Variants in TENM1 observed in about 807,000 individuals in gnomAD.
The protein encoded by TENM1 is teneurin transmembrane protein 1.
In TENM1, 35 loss-of-function variants were observed where a neutral mutation model predicts 174.8. The observed-to-expected ratio is 0.20, with a 90% CI of 0.15 to 0.27. The LOEUF is 0.27. TENM1 is among the 10% of genes least tolerant of loss of function. The probability of loss-of-function intolerance (pLI) is 1.00; values close to 1 mark genes in which losing one functional copy is unlikely to be tolerated. For synonymous variants in TENM1, 781 were observed against 798.7 expected (o/e 0.98, Z 0.37); for missense variants, 1,633 against 2,130.1 (o/e 0.77, Z 4.59).
At chrX:124,795,382 A>T (rs759383374) in intron 3 of TENM1, among the ~76,000 whole-genome samples, 13 of 112,462 alleles carry the variant, frequency 1.2e-4, no homozygotes, top group Non-Finnish European at 2.3e-4. Context: ...GAAAAGATGT[A>T]GATAGCTTAT....
chrX:124,517,128 A>C (rs2047722414), intron 18 of TENM1, among the ~76,000 whole-genome samples: 1 of 110,466 alleles, frequency 9.1e-6, no homozygotes, highest in Admixed American at 9.7e-5. Flanking sequence ...GAGGGGAACA[A>C]CACACACTGG....
intron 11 of TENM1, among the ~76,000 whole-genome samples, chrX:124,617,346 T>A (rs2050419852): frequency 8.9e-6 from 1 of 111,964 alleles, no homozygotes; most frequent in Non-Finnish European, 1.9e-5. Flanking sequence ...AAATGATATA[T>A]GTGTAATAAA....
the TENM1 span, among the ~76,000 whole-genome samples, chrX:125,117,869 G>C: frequency 1.8e-5 from 2 of 111,117 alleles, no homozygotes; most frequent in Non-Finnish European, 3.8e-5. Flanking sequence ...TCACTATTGG[G>C]TGTCTACCCA....
intron 25 of TENM1, chrX:124,411,727 T>C (rs1288908900): frequency 8.9e-6 from 1 of 112,102 alleles, no homozygotes; most frequent in Non-Finnish European, 1.9e-5. Flanking sequence ...CAGCGGGTAA[T>C]TCCTACAACT....
At chrX:124,468,397 C>T (rs747609557) in intron 22 of TENM1, among the ~76,000 whole-genome samples, 49 of 111,430 alleles carry the variant, frequency 4.4e-4, no homozygotes, top group Non-Finnish European at 1.9e-4. Flanking sequence ...AGGCTGGTCT[C>T]GAACTCCTGA....
chrX:124,869,430 A>C (rs1441971352), intron 3 of TENM1, among the ~76,000 whole-genome samples: 2 of 111,536 alleles, frequency 1.8e-5, no homozygotes, highest in African/African-American at 6.5e-5. Context: ...CATATGATCC[A>C]GCAATCCCAC....
chrX:124,981,964 A>T, the TENM1 span, among the ~76,000 whole-genome samples: 1 of 53,880 alleles, frequency 1.9e-5, no homozygotes, highest in Non-Finnish European at 3.2e-5. Flanking sequence ...AATAAAAAAA[A>T]AAAAAAAAAA....
intron 4 of TENM1, among the ~76,000 whole-genome samples, chrX:124,732,428 C>A (rs777476547): frequency 8.9e-6 from 1 of 111,957 alleles, no homozygotes; most frequent in Non-Finnish European, 1.9e-5. Context: ...ATCTAAGGAA[C>A]ATCAAATCTG....
chrX:125,097,150 C>T, the TENM1 span, among the ~76,000 whole-genome samples: 1 of 111,557 alleles, frequency 9.0e-6, no homozygotes. Context: ...ACCCATTTGA[C>T]CCTAACTACT....
intron 6 of TENM1, among the ~76,000 whole-genome samples, chrX:124,665,695 G>C (rs992309030): frequency 1.8e-5 from 2 of 112,013 alleles, no homozygotes; most frequent in African/African-American, 6.5e-5. Context: ...ACAGCTGAAA[G>C]GGATCTTACA....
the TENM1 span, among the ~76,000 whole-genome samples, chrX:125,069,981 G>T: frequency 9.1e-6 from 1 of 109,592 alleles, no homozygotes; most frequent in Non-Finnish European, 1.9e-5. Context: ...TTGAGGCCAG[G>T]AGTTCGAGAC....
intron 15 of TENM1, among the ~76,000 whole-genome samples, chrX:124,535,545 AT>A (rs1224574828): frequency 8.9e-6 from 1 of 111,811 alleles, no homozygotes; most frequent in African/African-American, 3.2e-5. Flanking sequence ...AAATGGAAAT[AT>A]GTTTTAGTCC....
At chrX:124,918,275 G>A (rs1171289837) in intron 1 of TENM1, among the ~76,000 whole-genome samples, 1 of 109,843 alleles carries the variant, frequency 9.1e-6, no homozygotes, top group Non-Finnish European at 1.9e-5. Flanking sequence ...CGCCTCCCAG[G>A]TTCAAGCGAT....
chrX:125,202,602 G>A, the TENM1 span, among the ~76,000 whole-genome samples: 1 of 111,243 alleles, frequency 9.0e-6, no homozygotes, highest in Admixed American at 9.5e-5. Flanking sequence ...ATGCAGATCT[G>A]CTCAACCCGA....
chrX:124,485,202 A>C (rs2147945439), intron 21 of TENM1, among the ~76,000 whole-genome samples: 1 of 111,720 alleles, frequency 9.0e-6, no homozygotes, highest in South Asian at 3.8e-4. Context: ...GGAAAAAATT[A>C]GGTTCAATTG....
At chrX:125,008,539 G>C in the TENM1 span, among the ~76,000 whole-genome samples, 1 of 112,187 alleles carries the variant, frequency 8.9e-6, no homozygotes. Flanking sequence ...GGACCTAATA[G>C]ACATGTTCAG....
At chrX:124,790,770 TGAAA>T (rs754948863) in intron 3 of TENM1, among the ~76,000 whole-genome samples, 81 of 111,578 alleles carry the variant, frequency 7.3e-4, no homozygotes, top group African/African-American at 2.5e-3. Context: ...TAATTTTGGC[TGAAA>T]GAGTTTTATA....
chrX:125,027,611 CTTTTTT>C, the TENM1 span, among the ~76,000 whole-genome samples: 1 of 83,089 alleles, frequency 1.2e-5, no homozygotes, highest in Non-Finnish European at 2.4e-5. Flanking sequence ...TTTTCTTTTT[CTTTTTT>C]TTTTTTTTTT....
the TENM1 span, among the ~76,000 whole-genome samples, chrX:125,180,512 A>C: frequency 3.8e-5 from 4 of 106,442 alleles, no homozygotes; most frequent in African/African-American, 1.4e-4. Context: ...CTCTAAAAAA[A>C]TAATAATAAA....
Sources: allele counts gnomAD v4.1 joint callset (sites outside exome capture counted in the v4.1 genomes callset), GRCh38; gene constraint gnomAD v4.1.1; transcripts MANE v1.5; gene names NCBI Gene and HGNC (gene_info 2026-07-23, HGNC 2026-07-21).